Variants in ZFHX3 observed in about 807,000 individuals in gnomAD.
ZFHX3 encodes the protein zinc finger homeobox 3.
A neutral mutation model predicts 279.1 loss-of-function variants in ZFHX3; 42 were observed. That is an observed-to-expected ratio of 0.15 (90% CI 0.12 to 0.19). The LOEUF is 0.19. ZFHX3 is among the 10% of genes least tolerant of loss of function. The pLI is 1.00. For synonymous variants in ZFHX3, 2,293 were observed against 1,957.8 expected (o/e 1.17, Z -4.52); for missense variants, 4,981 against 4,754.0 (o/e 1.05, Z -1.40).
intron 5 of ZFHX3, among the ~76,000 whole-genome samples, chr16:73,256,296 G>C (rs890517514): frequency 6.6e-6 from 1 of 152,192 alleles, no homozygotes; most frequent in African/African-American, 2.4e-5. Context: ...ACAGCCATCA[G>C]ATGCTGACCT....
At chr16:73,129,058 AC>A (rs1245200743) in intron 7 of ZFHX3, among the ~76,000 whole-genome samples, 1 of 151,918 alleles carries the variant, frequency 6.6e-6, no homozygotes, top group Non-Finnish European at 1.5e-5. Context: ...GATAACACTG[AC>A]CCCAGATGAC....
intron 2 of ZFHX3, among the ~76,000 whole-genome samples, chr16:73,629,974 T>C (rs1567537346): frequency 1.3e-5 from 2 of 152,144 alleles, no homozygotes; most frequent in Non-Finnish European, 2.9e-5. Context: ...ACAACAACTT[T>C]TATATCCTTG....
intron 1 of ZFHX3, among the ~76,000 whole-genome samples, chr16:73,750,436 G>A (rs769362389): frequency 1.3e-5 from 2 of 152,166 alleles, no homozygotes; most frequent in Non-Finnish European, 2.9e-5. Flanking sequence ...ATTGGGAGGT[G>A]TTCCTAACAG....
intron 2 of ZFHX3, among the ~76,000 whole-genome samples, chr16:73,613,634 T>C (rs952288608): frequency 6.6e-5 from 10 of 152,176 alleles, no homozygotes; most frequent in Admixed American, 1.3e-4. Flanking sequence ...GATGAGACTT[T>C]GGTCCTCCCT....
At chr16:73,253,351 A>G (rs1016598339) in intron 5 of ZFHX3, among the ~76,000 whole-genome samples, 8 of 152,184 alleles carry the variant, frequency 5.3e-5, no homozygotes, top group Admixed American at 1.3e-4. Context: ...AAATCAATGG[A>G]AAGAGAAAGT....
At chr16:73,765,017 T>C (rs371420116) in intron 1 of ZFHX3, among the ~76,000 whole-genome samples, 45 of 152,232 alleles carry the variant, frequency 3.0e-4, no homozygotes, top group African/African-American at 1.1e-3. Flanking sequence ...CATTTTTCTC[T>C]AGGGTATTAC....
At chr16:73,589,684 C>T (rs540422761) in intron 2 of ZFHX3, among the ~76,000 whole-genome samples, 140 of 124,618 alleles carry the variant, frequency 1.1e-3, no homozygotes, top group African/African-American at 3.9e-3. Flanking sequence ...GAGCCAAGAT[C>T]GCACCACTGC....
intron 5 of ZFHX3, among the ~76,000 whole-genome samples, chr16:73,242,477 GT>G (rs769368204): frequency 6.6e-6 from 1 of 152,206 alleles, no homozygotes; most frequent in Non-Finnish European, 1.5e-5. Flanking sequence ...CTGAGTGTGA[GT>G]TTTTCGTGTC....
chr16:73,095,907 T>C (rs1197897538), intron 7 of ZFHX3, among the ~76,000 whole-genome samples: 2 of 152,238 alleles, frequency 1.3e-5, no homozygotes, highest in African/African-American at 2.4e-5. Context: ...GAGCTTCCAC[T>C]TGTTACAACA....
chr16:73,686,730 G>A (rs1298934895), intron 1 of ZFHX3, among the ~76,000 whole-genome samples: 1 of 152,034 alleles, frequency 6.6e-6, no homozygotes, highest in Non-Finnish European at 1.5e-5. Flanking sequence ...AAAGCAGTCA[G>A]GCCTAGACTT....
chr16:73,054,423 C>T (rs1278738395), intron 1 of ZFHX3, among the ~76,000 whole-genome samples: 1 of 128,918 alleles, frequency 7.8e-6, no homozygotes, highest in Non-Finnish European at 1.6e-5. Flanking sequence ...TACAGGAGGT[C>T]GGTATGGAAA....
intron 4 of ZFHX3, among the ~76,000 whole-genome samples, chr16:72,843,103 G>A (rs1328623756): frequency 1.3e-5 from 2 of 152,212 alleles, no homozygotes; most frequent in Non-Finnish European, 2.9e-5. Flanking sequence ...GTTCGCAAAA[G>A]CCTGGTCACC....
intron 1 of ZFHX3, among the ~76,000 whole-genome samples, chr16:73,836,101 G>C (rs1466734477): frequency 1.3e-5 from 2 of 152,230 alleles, no homozygotes; most frequent in Non-Finnish European, 1.5e-5. Context: ...GCCAGAACAA[G>C]AGGGGAGAGA....
At chr16:73,872,171 T>C (rs1043743696) in intron 1 of ZFHX3, among the ~76,000 whole-genome samples, 8 of 152,140 alleles carry the variant, frequency 5.3e-5, no homozygotes, top group African/African-American at 1.9e-4. Flanking sequence ...CCAACACTTA[T>C]TCTGAATGCT....
At chr16:73,170,276 G>T (rs1248820941) in intron 5 of ZFHX3, among the ~76,000 whole-genome samples, 1 of 105,114 alleles carries the variant, frequency 9.5e-6, no homozygotes, top group African/African-American at 3.8e-5. Flanking sequence ...TGTCACCCAC[G>T]TTGGAGTGCA....
Position 72,950,748 on chromosome 16 carries a change from C to A in ZFHX3, c.2937G>T (p.Val979=). 3 of 1,614,216 alleles carry A rather than the reference C, an allele frequency of 1.9e-6. No homozygotes were observed. The highest frequency in any genetic ancestry group is 2.5e-6 in the Non-Finnish European group (3 of 1,180,040). Residue 979 remains valine (V), a synonymous_variant, in exon 3 of 10, where the codon GTG becomes GTT. Coordinates refer to ENST00000268489, the MANE Select transcript of ZFHX3 (RefSeq NM_006885.4). The part of the protein sequence containing the change: ...RSLSEDEWKA[V]MGDSYQCKLC... ...GCTTGCACTGGTATGAGTCCCCCAT[C>A]ACCGCCTTCCACTCGTCCTCCGACA...
intron 7 of ZFHX3, among the ~76,000 whole-genome samples, chr16:73,106,140 A>G (rs556668697): frequency 2.6e-5 from 4 of 151,996 alleles, no homozygotes; most frequent in African/African-American, 9.6e-5. Context: ...GACTTTTCTC[A>G]TGATATTCCA....
At chr16:73,260,217 A>G (rs2144966991) in intron 4 of ZFHX3, among the ~76,000 whole-genome samples, 1 of 152,318 alleles carries the variant, frequency 6.6e-6, no homozygotes, top group East Asian at 1.9e-4. Flanking sequence ...CAAAAATAAC[A>G]TGGAATTGAC....
chr16:72,912,008 A>C (rs1004291166), intron 3 of ZFHX3, among the ~76,000 whole-genome samples: 2 of 152,236 alleles, frequency 1.3e-5, no homozygotes, highest in East Asian at 3.8e-4. Flanking sequence ...AAAAATAAGC[A>C]TTCCATTCTA....
Sources: gnomAD v4.1 joint callset for allele counts (sites outside exome capture counted in the v4.1 genomes callset) on GRCh38, gnomAD v4.1.1 for gene constraint, MANE v1.5 for transcripts, NCBI Gene and HGNC (gene_info 2026-07-23, HGNC 2026-07-21) for gene names.